The following MTHFD1L variants were observed in gnomAD, a reference collection of about 807,000 sequenced individuals.
The protein encoded by MTHFD1L is monofunctional C1-tetrahydrofolate synthase, mitochondrial.
MTHFD1L carries 81 observed loss-of-function variants against 119.5 expected under a neutral mutation model. That is an observed-to-expected ratio of 0.68 (90% CI 0.57 to 0.82). MTHFD1L has a LOEUF of 0.82. Ranked by LOEUF, MTHFD1L falls within the 40% of genes least tolerant of loss-of-function variation. The pLI is 0.00. For synonymous variants in MTHFD1L, 430 were observed against 475.2 expected (o/e 0.90, Z 1.24); for missense variants, 1,125 against 1,253.4 (o/e 0.90, Z 1.55).
chr6:151,078,052 C>CAAAAAAAA lies in MTHFD1L; in HGVS notation c.2848-14400_2848-14393dup, dbSNP rs71014538. Among the ~76,000 whole-genome samples, 94 of 59,834 alleles carry CAAAAAAAA rather than the reference C, an allele frequency of 1.6e-3. 2 individuals are homozygous for CAAAAAAAA. The highest frequency in any genetic ancestry group is 2.5e-3 in the Admixed American group (9 of 3,608). 39.3% of individuals were successfully genotyped at this position (59,834 alleles called of 152,430 possible). ...TGGGCGACAGAGCAAGACTCTGTCT[C>CAAAAAAAA]AAAAAAAAAAAAAAAAAAAAAATCA... On this transcript the variant is annotated intron_variant, in intron 26 of 27. Transcript: ENST00000367321.
rs192330407 is a variant in MTHFD1L, at chr6:150,871,292, G to A, written c.228-4798G>A. Among the ~76,000 whole-genome samples, 14 of 149,564 alleles carry A rather than the reference G, an allele frequency of 9.4e-5. No individual in the cohort carries two copies. The Admixed American group carries it at 9.4e-4, about 10-fold the overall frequency. On this transcript the variant is annotated intron_variant, in intron 1 of 27. Coordinates refer to ENST00000367321, the MANE Select transcript of MTHFD1L (RefSeq NM_015440.5). ...CAGGGTGATTGCTAAAGATTAGGGT[G>A]GCTGTGGCAGTTTTTTAAAGTAAGA...
intron 26 of MTHFD1L, among the ~76,000 whole-genome samples, chr6:151,047,196 G>A (rs1410870027): frequency 6.6e-6 from 1 of 152,202 alleles, no homozygotes; most frequent in Non-Finnish European, 1.5e-5. Flanking sequence ...GTTAAGTTAT[G>A]CAGCCACACA....
At chr6:150,946,009 T>C (rs9383549) in intron 15 of MTHFD1L, among the ~76,000 whole-genome samples, 43,533 of 151,424 alleles carry the variant, frequency 0.29, 7,119 homozygotes, top group East Asian at 0.46. Context: ...GCCCATCTCT[T>C]AAAAAAAAAT....
chr6:151,037,482 G>T (rs1180606747), intron 26 of MTHFD1L, among the ~76,000 whole-genome samples: 2 of 152,152 alleles, frequency 1.3e-5, no homozygotes, highest in Non-Finnish European at 2.9e-5. Flanking sequence ...TCACGGTGGG[G>T]TTGACTGCTC....
chr6:150,965,157 A>G (rs1797006886), intron 19 of MTHFD1L, 120 bp downstream of exon 19: 3 of 809,522 alleles, frequency 3.7e-6, no homozygotes. Flanking sequence ...GTGCTTTGCA[A>G]TCTCAGGCAG....
At chr6:150,949,953 A>T (rs1794605982) in intron 16 of MTHFD1L, among the ~76,000 whole-genome samples, 1 of 152,188 alleles carries the variant, frequency 6.6e-6, no homozygotes, top group Non-Finnish European at 1.5e-5. Flanking sequence ...AGAAATGTTC[A>T]ATGGCATGGA....
intron 26 of MTHFD1L, among the ~76,000 whole-genome samples, chr6:151,043,932 T>C (rs1441143475): frequency 6.6e-6 from 1 of 152,220 alleles, no homozygotes; most frequent in Non-Finnish European, 1.5e-5. Context: ...GGTTTTCAAA[T>C]TTAATGAGGA....
chr6:150,932,112 A>G (rs1395157406), intron 11 of MTHFD1L, among the ~76,000 whole-genome samples: 2 of 143,836 alleles, frequency 1.4e-5, no homozygotes, highest in Non-Finnish European at 3.0e-5. Context: ...CAATGAGCAG[A>G]GATCACACCA....
intron 27 of MTHFD1L, among the ~76,000 whole-genome samples, chr6:151,098,962 G>C (rs1795121880): frequency 6.6e-6 from 1 of 152,050 alleles, no homozygotes; most frequent in Non-Finnish European, 1.5e-5. Flanking sequence ...GATCACCTGA[G>C]GTCAGGAGTT....
intron 26 of MTHFD1L, among the ~76,000 whole-genome samples, chr6:151,047,121 T>G (rs1279005119): frequency 6.6e-6 from 1 of 152,188 alleles, no homozygotes; most frequent in African/African-American, 2.4e-5. Flanking sequence ...AAACTACCAC[T>G]TTAAGCAAAA....
At chr6:151,028,998 G>C (rs1243901153) in intron 24 of MTHFD1L, among the ~76,000 whole-genome samples, 1 of 152,118 alleles carries the variant, frequency 6.6e-6, no homozygotes, top group Middle Eastern at 3.2e-3. Context: ...TTGAGCCCAG[G>C]AAGTTGAGGC....
chr6:151,100,404 C>A (rs771185314), intron 27 of MTHFD1L, among the ~76,000 whole-genome samples: 4 of 152,122 alleles, frequency 2.6e-5, no homozygotes, highest in Non-Finnish European at 5.9e-5. Flanking sequence ...ATTTGAAGCT[C>A]CTCGTTCCCT....
At chr6:150,897,970 G>A (rs1784517048) in intron 7 of MTHFD1L, among the ~76,000 whole-genome samples, 2 of 152,094 alleles carry the variant, frequency 1.3e-5, no homozygotes, top group Admixed American at 6.5e-5. Flanking sequence ...TCAGCCTCCT[G>A]AGTAGCTGGG....
At chr6:151,013,689 A>C in intron 21 of MTHFD1L, 90 bp from the exon 22 acceptor site, 1 of 1,204,686 alleles carries the variant, frequency 8.3e-7, no homozygotes. Flanking sequence ...ATTTCTAAAA[A>C]TTGAATGTGA....
At chr6:151,033,921 A>AT (rs1785718486) in intron 24 of MTHFD1L, among the ~76,000 whole-genome samples, 1 of 152,150 alleles carries the variant, frequency 6.6e-6, no homozygotes. Flanking sequence ...CATGCCTGTA[A>AT]TCCCAGTACT....
chr6:150,872,533 C>G (rs1007552663), intron 1 of MTHFD1L, among the ~76,000 whole-genome samples: 2 of 152,270 alleles, frequency 1.3e-5, no homozygotes, highest in East Asian at 1.9e-4. Context: ...CATGAACCAT[C>G]ATGGCCACGG....
intron 26 of MTHFD1L, among the ~76,000 whole-genome samples, chr6:151,086,394 T>C (rs1265133945): frequency 6.6e-6 from 1 of 152,166 alleles, no homozygotes; most frequent in Non-Finnish European, 1.5e-5. Context: ...ACATGGCCAT[T>C]TGATATAAAC....
chr6:150,936,986 G>A (rs742831), intron 12 of MTHFD1L, 46 bp downstream of exon 12: 103,049 of 1,596,804 alleles, frequency 0.065, 5,368 homozygotes, highest in Admixed American at 0.24. Context: ...AAAGTTGGGG[G>A]GAGAGAATTG....
At position 151,092,569 on chromosome 6, in the gene MTHFD1L, C is replaced by G; in HGVS notation, c.*13C>G. ...AGGCTTGTTCTAAGTGGACAAGGCT[C>G]TCACAGGACCCGATGCAGGTAGGCT... On this transcript the variant is annotated 3_prime_UTR_variant, in exon 27 of 28. Transcript: ENST00000367321. The G allele has an allele frequency of 4.4e-6, 7 of 1,606,060 alleles. No homozygotes were observed. The highest frequency in any genetic ancestry group is 1.1e-5 in the South Asian group (1 of 90,014).
Sources: allele counts gnomAD v4.1 joint callset (sites outside exome capture counted in the v4.1 genomes callset), GRCh38; gene constraint gnomAD v4.1.1; transcripts MANE v1.5; gene names NCBI Gene and HGNC (gene_info 2026-07-23, HGNC 2026-07-21).